The following GBP2 variants were observed in gnomAD, a reference collection of about 807,000 sequenced individuals.
The protein encoded by GBP2 is guanylate-binding protein 2.
GBP2 carries 54 observed loss-of-function variants against 60.8 expected under a neutral mutation model. That is an observed-to-expected ratio of 0.89 (90% CI 0.71 to 1.11). The LOEUF (loss-of-function observed/expected upper bound fraction) is 1.11. Ranked by LOEUF, GBP2 falls within the 50% of genes most tolerant of loss-of-function variation. The pLI is 0.00. For synonymous variants in GBP2, 243 were observed against 256.5 expected, an observed-to-expected ratio of 0.95 and a Z score of 0.50; for missense variants, 665 against 703.3, an observed-to-expected ratio of 0.95 and a Z score of 0.62.
chr1:89,123,850 C>T (rs570109482), intron 1 of GBP2, among the ~76,000 whole-genome samples: 1 of 152,360 alleles, frequency 6.6e-6, no homozygotes, highest in South Asian at 2.1e-4. Context: ...CTTGGCACTG[C>T]ATTCCCATTC....
Position 89,117,587 on chromosome 1 carries a change from C to T in GBP2, c.615G>A (p.Lys205=). ...TADDYLELSL[K]LRKGTDKKSK... is the part of the protein sequence containing the mutation. ...ATCAGACCCAGTAACCTTTTCTTAG[C>T]TTTAGCGAAAGCTCCAAGTAGTCAT... Residue 205 remains lysine (K), a synonymous_variant, in exon 5 of 11, where the codon AAG becomes AAA. Transcript: ENST00000370466. 6.2e-7 allele frequency: 1 copy of T among 1,613,002 alleles called. No individual in the cohort carries two copies.
At chr1:89,114,706 T>C (rs186524603) in intron 6 of GBP2, among the ~76,000 whole-genome samples, 5 of 152,316 alleles carry the variant, frequency 3.3e-5, no homozygotes, top group African/African-American at 1.2e-4. Flanking sequence ...CTTAGGTAAA[T>C]ATGTCTTCTT....
intron 1 of GBP2, among the ~76,000 whole-genome samples, chr1:89,125,282 A>G (rs1319666818): frequency 6.6e-6 from 1 of 152,214 alleles, no homozygotes; most frequent in Non-Finnish European, 1.5e-5. Context: ...ATATCTAATT[A>G]TCTGTTTCCC....
At position 89,107,220 on chromosome 1, in the gene GBP2, T is replaced by G. The variant is rs182809900; in HGVS notation, c.*955A>C. Among the ~76,000 whole-genome samples the G allele has an allele frequency of 6.6e-6, 1 of 152,138 alleles. No homozygotes were observed. The highest frequency in any genetic ancestry group is 2.4e-5 in the African/African-American group (1 of 41,506). ...CAATCTGTCATTTTTTTTTTTTTAG[T>G]AAGTCATTTACCCTGAGTAGCTTTG... On this transcript the variant is annotated 3_prime_UTR_variant, in exon 11 of 11. Transcript: ENST00000370466.
chr1:89,110,727 A>C (rs6428502), intron 8 of GBP2, among the ~76,000 whole-genome samples: 2 of 151,996 alleles, frequency 1.3e-5, no homozygotes, highest in Non-Finnish European at 2.9e-5. Flanking sequence ...GGGAAAGGAG[A>C]GGGGGCAAGG....
chr1:89,113,628 A>G (rs1681208295), intron 7 of GBP2, among the ~76,000 whole-genome samples: 1 of 152,156 alleles, frequency 6.6e-6, no homozygotes, highest in African/African-American at 2.4e-5. Flanking sequence ...TGAATATTTT[A>G]CCATTGGCTC....
chr1:89,107,326 C>T lies in GBP2; in HGVS notation c.*849G>A, dbSNP rs1681076101. On this transcript the variant is annotated 3_prime_UTR_variant, in exon 11 of 11. Coordinates refer to ENST00000370466, the MANE Select transcript of GBP2 (RefSeq NM_004120.5). ...TTTATAGGATTATAGTCCTGGTCCT[C>T]AGAAGAATGGAAAGTAATTTGAGTT... 6.6e-6 allele frequency among the ~76,000 whole-genome samples: 1 copy of T among 151,920 alleles called. No homozygotes were observed. The highest frequency in any genetic ancestry group is 1.5e-5 in the Non-Finnish European group (1 of 68,016).
chr1:89,121,825 G>A lies in GBP2; in HGVS notation c.142C>T (p.Arg48Cys), dbSNP rs775100378. ...VVVVAIVGLY[R>C]TGKSYLMNKL... is the part of the protein sequence containing the mutation. The stretch of plus-strand genomic sequence containing the variant: ...TTCATCAGGTAGGATTTGCCTGTGC[G>A]ATAGAGGCCCACAATCGCCACCACC... The change falls in exon 2 of 11, where the codon CGC becomes TGC. Residue 48 changes from arginine (R) to cysteine (C), a missense_variant. Transcript: ENST00000370466. 1.1e-5 allele frequency: 17 copies of A among 1,614,042 alleles called. No homozygotes were observed. In the East Asian group the frequency reaches 1.1e-4, roughly 11 times the overall value.
chr1:89,115,809 C>G (rs569966408), intron 6 of GBP2, among the ~76,000 whole-genome samples: 36 of 152,226 alleles, frequency 2.4e-4, no homozygotes, highest in African/African-American at 8.7e-4. Flanking sequence ...CTACTTTTCC[C>G]AGGCTGGTCT....
In GBP2 at chr1:89,120,188, T is replaced by C. The variant is rs1215744621; in HGVS notation, c.419A>G (p.Asp140Gly). 3.7e-6 allele frequency: 6 copies of C among 1,613,356 alleles called. No homozygotes were observed. Among genetic ancestry groups the C allele is most frequent in the African/African-American group, 1.3e-5 (1 of 74,892 alleles). Residue 140 changes from aspartate (D) to glycine (G), a missense_variant, in exon 4 of 11, where the codon GAC becomes GGC. Coordinates refer to ENST00000370466, the MANE Select transcript of GBP2 (RefSeq NM_004120.5). ...CCACAAAAAAGGATACTGAAGTTGGTCCATGGCCTGCTGGTTGATGGTTCC... is the reference window on the plus strand; with the variant it reads ...CCACAAAAAAGGATACTGAAGTTGGCCCATGGCCTGCTGGTTGATGGTTCC... ...SMGTINQQAM[D>G]QLHYVTELTD...
intron 4 of GBP2, chr1:89,118,692 G>C (rs143884384): frequency 1.3e-5 from 2 of 152,332 alleles, no homozygotes; most frequent in African/African-American, 4.8e-5. Flanking sequence ...GGAGCAAGTA[G>C]TGAGAATTGG....
At chr1:89,115,243 A>G (rs1204270949) in intron 6 of GBP2, among the ~76,000 whole-genome samples, 1 of 152,164 alleles carries the variant, frequency 6.6e-6, no homozygotes, top group Non-Finnish European at 1.5e-5. Context: ...TAGATTTAAT[A>G]TCCAAAGTAT....
rs1170582762 is a variant in GBP2, at chr1:89,117,611, A to G, written c.591T>C (p.Asp197=). ...GCTTTAGCGAAAGCTCCAAGTAGTC[A>G]TCAGCAGTGATGGGTTCTCCATCTA... ...LEVDGEPITA[D]DYLELSLKLR... The change falls in exon 5 of 11, where the codon GAT becomes GAC. Residue 197 remains aspartate (D), a synonymous_variant. Transcript: ENST00000370466. 1.9e-6 allele frequency: 3 copies of G among 1,614,104 alleles called. No individual in the cohort carries two copies.
chr1:89,123,377 C>A (rs1046757583), intron 1 of GBP2, among the ~76,000 whole-genome samples: 1 of 152,156 alleles, frequency 6.6e-6, no homozygotes, highest in Non-Finnish European at 1.5e-5. Flanking sequence ...CTATCTGTTT[C>A]TATATATAAG....
In GBP2 at chr1:89,110,197, G is replaced by A. The variant is rs1189186653; in HGVS notation, c.1432C>T (p.Gln478Ter). Residue 478 changes from glutamine to a stop codon, truncating the protein, a stop_gained, in exon 9 of 11, where the codon CAG becomes TAG. Coordinates refer to ENST00000370466, the MANE Select transcript of GBP2 (RefSeq NM_004120.5). LOFTEE classifies it high-confidence loss of function. Reference protein sequence around the residue: ...DVADALLQTDQSLSEKEKAIE... With the variant: ...DVADALLQTD ...GCTTTTTCCTTTTCTGAGAGTGACT[G>A]ATCAGTCTGTAGAAGTGCATCAGCC... is the stretch of plus-strand genomic sequence containing the variant. 1.9e-6 allele frequency: 3 copies of A among 1,613,576 alleles called. No homozygotes were observed. The highest frequency in any genetic ancestry group is 3.3e-5 in the Admixed American group (2 of 59,932).
At chr1:89,110,343 A>AC in intron 8 of GBP2, 77 bp from the exon 9 acceptor site, 1 of 1,030,992 alleles carries the variant, frequency 9.7e-7, no homozygotes. Flanking sequence ...CTGGGTATCT[A>AC]CCCAGAGGAA....
intron 1 of GBP2, among the ~76,000 whole-genome samples, chr1:89,124,869 C>T (rs1681488247): frequency 6.6e-6 from 1 of 152,192 alleles, no homozygotes; most frequent in African/African-American, 2.4e-5. Context: ...TTATCACCTG[C>T]ATGTATATCA....
intron 6 of GBP2, among the ~76,000 whole-genome samples, chr1:89,114,666 C>T (rs908093961): frequency 6.6e-5 from 10 of 152,262 alleles, no homozygotes; most frequent in African/African-American, 2.2e-4. Flanking sequence ...TTTAGTGGTG[C>T]AGACCACTAG....
chr1:89,114,053 A>ATG lies in GBP2; in HGVS notation c.1111_1112insCA (p.Phe371SerfsTer13), dbSNP rs1325514626. ...CTGGAACATTTGGTCCACATCCTTG[A>ATG]AAGAGTTCTTCATGAAGACTTCAAT... On this transcript the variant is annotated frameshift_variant, in exon 7 of 11. Coordinates refer to ENST00000370466, the MANE Select transcript of GBP2 (RefSeq NM_004120.5). LOFTEE classifies it high-confidence loss of function. 2 of 1,614,228 alleles carry ATG rather than the reference A, an allele frequency of 1.2e-6. No homozygotes were observed. The highest frequency in any genetic ancestry group is 1.7e-6 in the Non-Finnish European group (2 of 1,180,044).
Sources: gnomAD v4.1 joint callset for allele counts (sites outside exome capture counted in the v4.1 genomes callset) on GRCh38, gnomAD v4.1.1 for gene constraint, MANE v1.5 for transcripts, NCBI Gene and HGNC (gene_info 2026-07-23, HGNC 2026-07-21) for gene names.